Variants in LCORL observed in about 807,000 individuals in gnomAD.
The protein encoded by LCORL is ligand dependent nuclear receptor corepressor like.
LCORL carries 41 observed loss-of-function variants against 141.8 expected under a neutral mutation model. The ratio of observed to expected loss-of-function variants is 0.29; its 90% CI spans 0.23 to 0.38. The LOEUF (loss-of-function observed/expected upper bound fraction) is 0.38. Among genes scored for constraint, LCORL ranks in the 10% least tolerant of loss-of-function variants. The probability of loss-of-function intolerance (pLI) is 1.00; values close to 1 mark genes in which losing one functional copy is unlikely to be tolerated. For synonymous variants in LCORL, 618 were observed against 694.1 expected, an observed-to-expected ratio of 0.89 and a Z score of 1.72; for missense variants, 1,759 against 2,035.0, an observed-to-expected ratio of 0.86 and a Z score of 2.61.
At chr4:17,906,707 A>G (rs1396187814) in intron 5 of LCORL, among the ~76,000 whole-genome samples, 1 of 104,660 alleles carries the variant, frequency 9.6e-6, no homozygotes, top group Non-Finnish European at 1.8e-5. Context: ...TTTTTTTTTG[A>G]GACAGAGTCT....
At chr4:17,983,440 C>T (rs1718373258) in intron 1 of LCORL, among the ~76,000 whole-genome samples, 1 of 151,944 alleles carries the variant, frequency 6.6e-6, no homozygotes, top group Non-Finnish European at 1.5e-5. Context: ...TCTGACTTAT[C>T]TGAGCAGTGT....
intron 1 of LCORL, among the ~76,000 whole-genome samples, chr4:17,978,723 G>T (rs763449619): frequency 1.2e-4 from 19 of 152,028 alleles, no homozygotes; most frequent in Non-Finnish European, 2.2e-4. Flanking sequence ...TTTCCCAAAG[G>T]TGTTATTTGT....
chr4:17,959,837 GTTT>G (rs1713428640), intron 4 of LCORL, among the ~76,000 whole-genome samples: 1 of 152,012 alleles, frequency 6.6e-6, no homozygotes, highest in Admixed American at 6.6e-5. Context: ...CTAAAAAGAT[GTTT>G]TAACAACACG....
intron 4 of LCORL, among the ~76,000 whole-genome samples, chr4:17,910,801 G>C (rs1003887874): frequency 1.2e-4 from 19 of 152,170 alleles, no homozygotes; most frequent in African/African-American, 4.6e-4. Context: ...TGCTATCTCA[G>C]ACTTGTTGGA....
intron 4 of LCORL, among the ~76,000 whole-genome samples, chr4:17,913,756 A>C (rs965407154): frequency 1.2e-4 from 19 of 152,158 alleles, no homozygotes; most frequent in African/African-American, 4.6e-4. Context: ...GATGCCTTCT[A>C]ATTTTTTTGT....
intron 4 of LCORL, among the ~76,000 whole-genome samples, chr4:17,910,077 A>G (rs1043671636): frequency 1.3e-5 from 2 of 152,202 alleles, no homozygotes; most frequent in African/African-American, 4.8e-5. Flanking sequence ...AAATGAGAAT[A>G]TCACTGAGAG....
intron 1 of LCORL, among the ~76,000 whole-genome samples, chr4:17,980,176 A>C (rs1251824498): frequency 6.6e-6 from 1 of 152,212 alleles, no homozygotes; most frequent in Non-Finnish European, 1.5e-5. Flanking sequence ...TATTCGTTAC[A>C]ACACTAATAG....
At chr4:18,003,612 C>T (rs556897223) in intron 1 of LCORL, among the ~76,000 whole-genome samples, 2 of 152,172 alleles carry the variant, frequency 1.3e-5, no homozygotes, top group East Asian at 3.9e-4. Context: ...GAGAGACATA[C>T]AAGTGGAGAG....
At chr4:17,844,742 A>G (rs1410388760) in exon 8 of LCORL, 3 of 152,456 alleles carry the variant, frequency 2.0e-5, no homozygotes, top group African/African-American at 7.2e-5. Flanking sequence ...TAGAAACATA[A>G]TAAGCTAAAA....
At chr4:18,009,057 G>C (rs1342624305) in intron 1 of LCORL, among the ~76,000 whole-genome samples, 1 of 151,932 alleles carries the variant, frequency 6.6e-6, no homozygotes, top group Non-Finnish European at 1.5e-5. Context: ...CACTGCTACC[G>C]TACTGCCACT....
intron 1 of LCORL, among the ~76,000 whole-genome samples, chr4:18,013,832 G>A (rs1000979352): frequency 4.3e-5 from 6 of 140,000 alleles, no homozygotes; most frequent in African/African-American, 7.6e-5. Flanking sequence ...TTTTTTTTTC[G>A]GAGTCTTGGT....
intron 6 of LCORL, chr4:17,880,858 G>A (rs1319791279): frequency 3.7e-5 from 32 of 856,654 alleles, no homozygotes; most frequent in Non-Finnish European, 4.3e-5. Context: ...AATAATTCAT[G>A]AATTATAGTG....
At chr4:17,935,546 G>C (rs1017250207) in intron 4 of LCORL, among the ~76,000 whole-genome samples, 2 of 152,138 alleles carry the variant, frequency 1.3e-5, no homozygotes, top group Non-Finnish European at 2.9e-5. Flanking sequence ...CTGGGTTCAT[G>C]TGAGATTTGG....
intron 4 of LCORL, among the ~76,000 whole-genome samples, chr4:17,910,916 T>G (rs11942283): frequency 0.074 from 11,304 of 152,236 alleles, 953 homozygotes; most frequent in African/African-American, 0.21. Flanking sequence ...TACAATTTTA[T>G]CCTTCACTTC....
chr4:17,925,195 T>TACA (rs1210519433), intron 4 of LCORL, among the ~76,000 whole-genome samples: 2 of 152,182 alleles, frequency 1.3e-5, no homozygotes, highest in Non-Finnish European at 2.9e-5. Context: ...AGAAGGGAGT[T>TACA]ACAGTGTTGG....
chr4:17,848,168 TGTC>T (rs1431263425), intron 7 of LCORL, among the ~76,000 whole-genome samples: 2 of 152,068 alleles, frequency 1.3e-5, no homozygotes, highest in African/African-American at 4.8e-5. Flanking sequence ...GGGAAGAAAA[TGTC>T]AGTTTTGAAA....
intron 7 of LCORL, among the ~76,000 whole-genome samples, chr4:17,870,016 T>C (rs1726145878): frequency 6.6e-6 from 1 of 152,184 alleles, no homozygotes; most frequent in African/African-American, 2.4e-5. Flanking sequence ...CATTATTTGA[T>C]GCTGACCTCA....
At chr4:17,879,844 T>G (rs990960228) in intron 6 of LCORL, among the ~76,000 whole-genome samples, 8 of 151,074 alleles carry the variant, frequency 5.3e-5, no homozygotes, top group African/African-American at 1.9e-4. Context: ...AAATATGTTG[T>G]ATTTTAACGA....
At position 17,939,879 on chromosome 4, in the gene LCORL, T is replaced by TACACACACACAC. The variant is rs143670453; in HGVS notation, c.430+22012_430+22023dup. Among the ~76,000 whole-genome samples the TACACACACACAC allele has an allele frequency of 5.4e-3, 795 of 147,840 alleles. 7 individuals carry two copies. The highest frequency in any genetic ancestry group is 0.017 in the African/African-American group (681 of 39,552). Reference sequence around the variant, plus strand: ...CCTGGGGAAAAGGAATAGGTACATGTACACACACACACACATATATGTATA... The same window carrying TACACACACACAC: ...CCTGGGGAAAAGGAATAGGTACATGTACACACACACACACACACACACACACATATATGTATA... On this transcript the variant is annotated intron_variant, in intron 4 of 7. Coordinates refer to ENST00000635767, the Ensembl canonical transcript of LCORL.
Sources: gnomAD v4.1 joint callset for allele counts (sites outside exome capture counted in the v4.1 genomes callset) on GRCh38, gnomAD v4.1.1 for gene constraint, MANE v1.5 for transcripts, NCBI Gene and HGNC (gene_info 2026-07-23, HGNC 2026-07-21) for gene names.